The following SLC35F4 variants were observed in gnomAD, a reference collection of about 807,000 sequenced individuals.
The protein encoded by SLC35F4 is chromosome 14 open reading frame 36.
A neutral mutation model predicts 44.2 loss-of-function variants in SLC35F4; 24 were observed. The observed-to-expected ratio is 0.54, with a 90% CI of 0.39 to 0.76. The LOEUF (loss-of-function observed/expected upper bound fraction) is 0.76. Among genes scored for constraint, SLC35F4 ranks in the 30% least tolerant of loss-of-function variants. The probability of loss-of-function intolerance (pLI) is 0.00; values close to 1 mark genes in which losing one functional copy is unlikely to be tolerated. For synonymous variants in SLC35F4, 238 were observed against 223.6 expected, an observed-to-expected ratio of 1.06 and a Z score of -0.57; for missense variants, 562 against 586.1, an observed-to-expected ratio of 0.96 and a Z score of 0.42.
intron 1 of SLC35F4, among the ~76,000 whole-genome samples, chr14:57,614,155 T>C (rs1411845728): frequency 6.6e-6 from 1 of 150,602 alleles, no homozygotes; most frequent in African/African-American, 2.4e-5. Context: ...GCTAAAATAC[T>C]GTACATTTGC....
At position 57,708,653 on chromosome 14, in the gene SLC35F4, G is replaced by A. The variant is rs541776269; in HGVS notation, c.104-114529C>T. ...CGGTAGGTTTTTCTCCCCATGTGCG[G>A]AGACGAGAGATTGTAGAAATAAAGA... is the stretch of plus-strand genomic sequence containing the variant. On this transcript the variant is annotated intron_variant, in intron 1 of 7. Transcript: ENST00000556826. Among the ~76,000 whole-genome samples the A allele has an allele frequency of 1.2e-4, 19 of 152,260 alleles. No homozygotes were observed. The East Asian group carries it at 3.7e-3, about 29-fold the overall frequency.
chr14:57,718,185 T>C (rs777237361), intron 1 of SLC35F4, among the ~76,000 whole-genome samples: 1 of 152,260 alleles, frequency 6.6e-6, no homozygotes. Flanking sequence ...TCATTCTTTT[T>C]TATAGCTCAA....
chr14:57,712,209 C>T (rs371990375), intron 1 of SLC35F4, among the ~76,000 whole-genome samples: 1 of 152,212 alleles, frequency 6.6e-6, no homozygotes, highest in Non-Finnish European at 1.5e-5. Context: ...GCCACCTTCT[C>T]GGGCTGTGTT....
intron 1 of SLC35F4, among the ~76,000 whole-genome samples, chr14:57,857,649 G>A (rs1887244905): frequency 6.6e-6 from 1 of 152,032 alleles, no homozygotes; most frequent in Admixed American, 6.5e-5. Flanking sequence ...AGCTCTATGG[G>A]TGAGATAGTT....
intron 1 of SLC35F4, among the ~76,000 whole-genome samples, chr14:57,956,566 T>A (rs1890241988): frequency 6.6e-6 from 1 of 151,984 alleles, no homozygotes; most frequent in Non-Finnish European, 1.5e-5. Flanking sequence ...ATATCCAGAA[T>A]CTACAAGGAA....
intron 1 of SLC35F4, among the ~76,000 whole-genome samples, chr14:57,794,797 C>T (rs906370757): frequency 5.9e-5 from 9 of 152,044 alleles, no homozygotes; most frequent in South Asian, 2.1e-4. Context: ...GTAAATGAAA[C>T]GACTCGAAAA....
intron 1 of SLC35F4, among the ~76,000 whole-genome samples, chr14:57,742,709 T>C (rs1696062258): frequency 6.6e-6 from 1 of 152,204 alleles, no homozygotes; most frequent in African/African-American, 2.4e-5. Context: ...AATTCAGCTC[T>C]GGACCAAGCG....
At chr14:57,982,324 T>A (rs1881405366), upstream of SLC35F4, 1 of 152,072 alleles carries the variant, frequency 6.6e-6, no homozygotes, top group Non-Finnish European at 1.5e-5. Flanking sequence ...GATGATGCCG[T>A]GTGGCTAAAA....
chr14:57,595,320 T>C (rs928012604), intron 1 of SLC35F4, among the ~76,000 whole-genome samples: 17 of 152,216 alleles, frequency 1.1e-4, no homozygotes, highest in Non-Finnish European at 1.9e-4. Context: ...ATCCTTCTCA[T>C]CATATAGTAT....
At chr14:57,873,577 G>A (rs1888337308) in intron 1 of SLC35F4, among the ~76,000 whole-genome samples, 1 of 152,176 alleles carries the variant, frequency 6.6e-6, no homozygotes, top group Non-Finnish European at 1.5e-5. Context: ...ATTCTAGATT[G>A]TATACGGATG....
chr14:57,945,440 TGTGTG>T (rs1890008417), intron 1 of SLC35F4, among the ~76,000 whole-genome samples: 1 of 6,156 alleles, frequency 1.6e-4, no homozygotes. Context: ...GCAATGATAA[TGTGTG>T]TGTGTGTGTG....
chr14:57,772,574 A>G (rs1021468800), intron 1 of SLC35F4, among the ~76,000 whole-genome samples: 1 of 152,080 alleles, frequency 6.6e-6, no homozygotes, highest in Non-Finnish European at 1.5e-5. Context: ...CCATCTTTAT[A>G]TGTACCCATT....
intron 1 of SLC35F4, among the ~76,000 whole-genome samples, chr14:57,898,357 C>A (rs776569960): frequency 6.6e-6 from 1 of 152,146 alleles, no homozygotes; most frequent in African/African-American, 2.4e-5. Flanking sequence ...TCATGGCATA[C>A]AATTAGGTTT....
intron 1 of SLC35F4, among the ~76,000 whole-genome samples, chr14:57,668,794 G>A (rs1426500997): frequency 6.6e-6 from 1 of 152,084 alleles, no homozygotes; most frequent in African/African-American, 2.4e-5. Flanking sequence ...TTTGGCTTAG[G>A]ATTGACTTGG....
At chr14:57,905,434 C>A (rs1438832689) in intron 1 of SLC35F4, among the ~76,000 whole-genome samples, 1 of 152,186 alleles carries the variant, frequency 6.6e-6, no homozygotes, top group Non-Finnish European at 1.5e-5. Context: ...GGAAACCATG[C>A]AAGGGTGTGA....
At chr14:57,781,906 T>A (rs1353281010) in intron 1 of SLC35F4, among the ~76,000 whole-genome samples, 1 of 152,168 alleles carries the variant, frequency 6.6e-6, no homozygotes, top group Non-Finnish European at 1.5e-5. Flanking sequence ...CACTAGAGTC[T>A]ACCTGAGGGT....
At chr14:57,633,430 G>A (rs916896728) in intron 1 of SLC35F4, among the ~76,000 whole-genome samples, 1 of 152,148 alleles carries the variant, frequency 6.6e-6, no homozygotes, top group African/African-American at 2.4e-5. Flanking sequence ...CATTCTAATA[G>A]ATAAGTAATG....
At chr14:57,637,374 C>T (rs887505915) in intron 1 of SLC35F4, among the ~76,000 whole-genome samples, 4 of 152,108 alleles carry the variant, frequency 2.6e-5, no homozygotes, top group Admixed American at 2.0e-4. Flanking sequence ...CCCTCAGATC[C>T]TAAAGTCAGA....
chr14:57,936,209 T>C (rs936451727), intron 1 of SLC35F4, among the ~76,000 whole-genome samples: 2 of 152,204 alleles, frequency 1.3e-5, no homozygotes, highest in Non-Finnish European at 2.9e-5. Context: ...AAGAACATAA[T>C]AATGAAACTA....
Sources: gnomAD v4.1 joint callset for allele counts (sites outside exome capture counted in the v4.1 genomes callset) on GRCh38, gnomAD v4.1.1 for gene constraint, MANE v1.5 for transcripts, NCBI Gene and HGNC (gene_info 2026-07-23, HGNC 2026-07-21) for gene names.